Variants in ZNF778 observed in about 807,000 individuals in gnomAD.
The protein encoded by ZNF778 is zinc finger protein 778.
A neutral mutation model predicts 23.9 loss-of-function variants in ZNF778; 37 were observed. That is an observed-to-expected ratio of 1.54 (90% CI 1.19 to 2.03). The LOEUF is 2.03. Ranked by LOEUF, ZNF778 falls within the 30% of genes most tolerant of loss-of-function variation. The probability of loss-of-function intolerance (pLI) is 0.00; values close to 1 mark genes in which losing one functional copy is unlikely to be tolerated. For missense variants in ZNF778, 1,297 were observed against 934.4 expected (o/e 1.39, Z -5.06); for synonymous variants, 483 against 343.9 (o/e 1.40, Z -4.48).
rs1220416415 is a variant in ZNF778, at chr16:89,236,044, G to T, written c.*7482G>T. The T allele has an allele frequency of 6.6e-6, 1 of 152,070 alleles. No homozygotes were observed. The highest frequency in any genetic ancestry group is 1.5e-5 in the Non-Finnish European group (1 of 68,052). 9.4% of individuals were successfully genotyped at this position (152,070 alleles called of 1,614,324 possible). On this transcript the variant is annotated 3_prime_UTR_variant, in exon 7 of 7. Transcript: ENST00000433976. ...TACAAAAATTTAGTTGGGCGTGGTG[G>T]CGGGCGACTGCAGTCCCAGCTACTG...
At position 89,227,718 on chromosome 16, in the gene ZNF778, A is replaced by G; in HGVS notation, c.1430A>G (p.Tyr477Cys). The G allele has an allele frequency of 1.2e-6, 2 of 1,614,184 alleles. No homozygotes were observed. Among genetic ancestry groups the G allele is most frequent in the Non-Finnish European group, 1.7e-6 (2 of 1,180,018 alleles). The change falls in exon 7 of 7, where the codon TAT becomes TGT. Residue 477 changes from tyrosine (Y) to cysteine (C), a missense_variant. By Grantham distance (194) the Tyr-to-Cys change is radical. Transcript: ENST00000433976. ...HVRTHTGEKP[Y>C]ECKDCGKSFT... Reference sequence around the variant, plus strand: ...AGGACTCACACTGGAGAGAAACCATATGAATGTAAAGATTGTGGGAAATCC... The same window carrying G: ...AGGACTCACACTGGAGAGAAACCATGTGAATGTAAAGATTGTGGGAAATCC...
Position 89,228,225 on chromosome 16 carries a change from T to C in ZNF778, c.1937T>C (p.Ile646Thr). The change falls in exon 7 of 7, where the codon ATA (isoleucine) becomes ACA (threonine). Residue 646 changes from isoleucine (I) to threonine (T), a missense_variant. By Grantham distance (89) the Ile-to-Thr change is moderately conservative. Coordinates refer to ENST00000433976, the MANE Select transcript of ZNF778 (RefSeq NM_001201407.2). ...IRTHTGEKPY[I>T]CKECGKAFAS... ...ACCCACACCGGTGAGAAACCCTACA[T>C]ATGTAAGGAGTGTGGGAAAGCCTTT... 6 of 1,613,878 alleles carry C rather than the reference T, an allele frequency of 3.7e-6. No individual in the cohort carries two copies. Among genetic ancestry groups the C allele is most frequent in the Non-Finnish European group, 4.2e-6 (5 of 1,179,882 alleles).
Position 89,230,109 on chromosome 16 carries a change from C to CATG in ZNF778, c.*1547_*1548insATG. On this transcript the variant is annotated 3_prime_UTR_variant, in exon 7 of 7. Transcript: ENST00000433976. ...CTTAGGCATGACCCACCTGTAGGGT[C>CATG]CCACACTGGCCAATGTTGGGGCATA... 3.6e-6 allele frequency: 3 copies of CATG among 835,284 alleles called. No homozygotes were observed. The highest frequency in any genetic ancestry group is 4.3e-6 in the Non-Finnish European group (3 of 693,964). 51.7% of individuals were successfully genotyped at this position (835,284 alleles called of 1,614,324 possible).
intron 6 of ZNF778, among the ~76,000 whole-genome samples, chr16:89,226,165 C>G (rs1044192010): frequency 1.3e-5 from 2 of 152,018 alleles, no homozygotes; most frequent in South Asian, 2.1e-4. Flanking sequence ...CCACCTCAGC[C>G]TCCCAAAGTA....
Position 89,230,057 on chromosome 16 carries a change from C to T in ZNF778, c.*1495C>T, listed in dbSNP as rs1331929872. ...TCCAGATGGGATCCTGTATGAGCAGCGTAGGCTCTGGTTGGTTAGTCATGC... is the reference window on the plus strand; with the variant it reads ...TCCAGATGGGATCCTGTATGAGCAGTGTAGGCTCTGGTTGGTTAGTCATGC... On this transcript the variant is annotated 3_prime_UTR_variant, in exon 7 of 7. Coordinates refer to ENST00000433976, the MANE Select transcript of ZNF778 (RefSeq NM_001201407.2). 2.1e-5 allele frequency: 20 copies of T among 973,742 alleles called. No individual in the cohort carries two copies. Among genetic ancestry groups the T allele is most frequent in the African/African-American group, 5.3e-5 (3 of 56,920 alleles). The allele number at this position is 973,742 out of a possible 1,614,324, so 60.3% of individuals were successfully genotyped here. A position where few individuals can be genotyped will look rare whatever the true frequency, so the allele number is the denominator to read the frequency against.
chr16:89,227,601 G>A lies in ZNF778; in HGVS notation c.1313G>A (p.Arg438Lys), dbSNP rs752066774. Residue 438 changes from arginine (R) to lysine (K), a missense_variant, in exon 7 of 7, where the codon AGA becomes AAA. Coordinates refer to ENST00000433976, the MANE Select transcript of ZNF778 (RefSeq NM_001201407.2). ...KAFTVRCGLT[R>K]HVRTHTGEKP... ...TTCACTGTGCGCTGTGGCCTTACTA[G>A]ACACGTACGAACACACACGGGCGAG... 27 of 1,613,928 alleles carry A rather than the reference G, an allele frequency of 1.7e-5. No homozygotes were observed. The highest frequency in any genetic ancestry group is 9.3e-6 in the Non-Finnish European group (11 of 1,180,018).
chr16:89,228,712 C>T lies in ZNF778; in HGVS notation c.*150C>T, dbSNP rs1019447997. The T allele has an allele frequency of 3.5e-6, 5 of 1,444,208 alleles. No individual in the cohort carries two copies. The Admixed American group carries it at 8.9e-5, about 26-fold the overall frequency. 89.5% of individuals were successfully genotyped at this position (1,444,208 alleles called of 1,614,324 possible). A position where few individuals can be genotyped will look rare whatever the true frequency, so the allele number is the denominator to read the frequency against. ...GGCAGGCAGGAACTCACCCTGGAGC[C>T]CTATGCAGCAGACACAGAGAAAGCC... On this transcript the variant is annotated 3_prime_UTR_variant, in exon 7 of 7. Coordinates refer to ENST00000433976, the MANE Select transcript of ZNF778 (RefSeq NM_001201407.2).
chr16:89,228,433 A>G lies in ZNF778; in HGVS notation c.2145A>G (p.Leu715=), dbSNP rs538132855. 1.9e-6 allele frequency: 3 copies of G among 1,613,998 alleles called. No individual in the cohort carries two copies. Among genetic ancestry groups the G allele is most frequent in the East Asian group, 2.2e-5 (1 of 44,886 alleles). ...GGAAAGCATACAATAGGTTTTATCT[A>G]CTAAAAGAACATTTAAAAACTTACA... ...ECGKAYNRFY[L]LKEHLKTYTE... The change falls in exon 7 of 7, where the codon CTA becomes CTG. Residue 715 remains leucine, a synonymous_variant. Transcript: ENST00000433976.
chr16:89,228,194 A>T lies in ZNF778; in HGVS notation c.1906A>T (p.Ile636Leu). The T allele has an allele frequency of 1.9e-6, 3 of 1,613,502 alleles. No homozygotes were observed. The highest frequency in any genetic ancestry group is 1.1e-5 in the South Asian group (1 of 91,034). The part of the protein sequence containing the change: ...FTTSSHLIVH[I>L]RTHTGEKPYI... ...CACATCCTCACACCTTATCGTGCAC[A>T]TAAGAACCCACACCGGTGAGAAACC... Residue 636 changes from isoleucine (I) to leucine (L), a missense_variant, in exon 7 of 7, where the codon ATA becomes TTA. Physicochemically the swap from Ile to Leu is conservative, Grantham distance 5 (BLOSUM62 2). Coordinates refer to ENST00000433976, the MANE Select transcript of ZNF778 (RefSeq NM_001201407.2).
Position 89,225,542 on chromosome 16 carries a change from TC to T in ZNF778, c.329-12del, listed in dbSNP as rs2031401009. Reference sequence around the variant, plus strand: ...AGTTTGATCGTTTTTAGGTCATTCTTCTTTCTTTTCAGAATGGCGACTTAAA... The same window carrying T: ...AGTTTGATCGTTTTTAGGTCATTCTTTTTCTTTTCAGAATGGCGACTTAAA... On this transcript the variant is annotated splice_polypyrimidine_tract_variant and intron_variant, in intron 5 of 6. Transcript: ENST00000433976. The T allele has an allele frequency of 1.9e-6, 3 of 1,604,086 alleles. No homozygotes were observed. Among genetic ancestry groups the T allele is most frequent in the East Asian group, 2.2e-5 (1 of 44,662 alleles).
Position 89,228,524 on chromosome 16 carries a change from C to G in ZNF778, c.2236C>G (p.His746Asp). The change falls in exon 7 of 7, where the codon CAT becomes GAT. Residue 746 changes from histidine to aspartate, a missense_variant. His to Asp is a moderately conservative substitution (Grantham distance 81). Transcript: ENST00000433976. ...TTTTAAGAATTCCTCATGCCTTAAC[C>G]ATCACACTCAAATTCACACTGATGA... ...KSFKNSSCLN[H>D]HTQIHTDEKP... 6.2e-7 allele frequency: 1 copy of G among 1,600,374 alleles called. No homozygotes were observed. The highest frequency in any genetic ancestry group is 2.2e-5 in the East Asian group (1 of 44,820).
intron 1 of ZNF778, among the ~76,000 whole-genome samples, chr16:89,219,040 C>G (rs4785610): frequency 1 from 152,151 of 152,214 alleles, 76,044 homozygotes; most frequent in Middle Eastern, 1. Context: ...CTGGGTGGCA[C>G]AGGTTGCGGT....
chr16:89,220,309 C>T (rs1335740526), intron 1 of ZNF778, among the ~76,000 whole-genome samples: 1 of 152,204 alleles, frequency 6.6e-6, no homozygotes, highest in East Asian at 1.9e-4. Context: ...GAAAGTACAG[C>T]TCTAGACCTA....
In ZNF778 at chr16:89,227,050, AT is replaced by A. The variant is rs760466770; in HGVS notation, c.763del (p.Trp255GlyfsTer8). On this transcript the variant is annotated frameshift_variant, in exon 7 of 7. Transcript: ENST00000433976. LOFTEE classifies it low-confidence loss of function (END_TRUNC). ...GSHNGEETWK[W>X]KPCGKALTHS... ...GTCACAACGGAGAAGAAACATGGAA[AT>A]GGAAGCCGTGTGGGAAAGCTCTAAC... 4 of 1,613,892 alleles carry A rather than the reference AT, an allele frequency of 2.5e-6. No homozygotes were observed. In the African/African-American group the frequency reaches 5.3e-5, roughly 22 times the overall value.
At position 89,230,143 on chromosome 16, in the gene ZNF778, C is replaced by G; in HGVS notation, c.*1581C>G. 1.5e-6 allele frequency: 1 copy of G among 662,544 alleles called. No individual in the cohort carries two copies. Among genetic ancestry groups the G allele is most frequent in the Non-Finnish European group, 1.9e-6 (1 of 536,346 alleles). 41.0% of individuals were successfully genotyped at this position (662,544 alleles called of 1,614,324 possible). A position where few individuals can be genotyped will look rare whatever the true frequency, so the allele number is the denominator to read the frequency against. The stretch of plus-strand genomic sequence containing the variant: ...GCCAATGTTGGGGCATAACACAGCT[C>G]TACATTTTATGAAAATGCCCTTGTT... On this transcript the variant is annotated 3_prime_UTR_variant, in exon 7 of 7. Coordinates refer to ENST00000433976, the MANE Select transcript of ZNF778 (RefSeq NM_001201407.2).
In ZNF778 at chr16:89,228,055, T is replaced by C. The variant is rs754343082; in HGVS notation, c.1767T>C (p.Tyr589=). The C allele has an allele frequency of 5.0e-6, 8 of 1,613,006 alleles. No homozygotes were observed. The highest frequency in any genetic ancestry group is 3.3e-4 in the Middle Eastern group (2 of 6,084). Residue 589 remains tyrosine, a synonymous_variant, in exon 7 of 7, where the codon TAT becomes TAC. Coordinates refer to ENST00000433976, the MANE Select transcript of ZNF778 (RefSeq NM_001201407.2). ...HIQIHTGIKP[Y]ECKDCGKTFT... ...AGATTCACACTGGAATAAAACCTTA[T>C]GAATGTAAGGACTGTGGGAAAACAT...
rs1477229412 is a variant in ZNF778, at chr16:89,234,984, C to T, written c.*6422C>T. On this transcript the variant is annotated 3_prime_UTR_variant, in exon 7 of 7. Transcript: ENST00000433976. Reference sequence around the variant, plus strand: ...TATACAACCTTTCCTTTATCTTCATCAGAAATTTCTTTTCTCCTAAGGCCT... The same window carrying T: ...TATACAACCTTTCCTTTATCTTCATTAGAAATTTCTTTTCTCCTAAGGCCT... The T allele has an allele frequency of 6.6e-6, 1 of 152,140 alleles. No homozygotes were observed. Among genetic ancestry groups the T allele is most frequent in the African/African-American group, 2.4e-5 (1 of 41,420 alleles). 9.4% of individuals were successfully genotyped at this position (152,140 alleles called of 1,614,324 possible).
chr16:89,229,452 G>C lies in ZNF778; in HGVS notation c.*890G>C, dbSNP rs1280670428. Reference sequence around the variant, plus strand: ...CTGGTTGGTTAGTCTTGAGGATGCAGATGTGATTCTGTGTGAGCAGCGTAG... The same window carrying C: ...CTGGTTGGTTAGTCTTGAGGATGCACATGTGATTCTGTGTGAGCAGCGTAG... On this transcript the variant is annotated 3_prime_UTR_variant, in exon 7 of 7. Coordinates refer to ENST00000433976, the MANE Select transcript of ZNF778 (RefSeq NM_001201407.2). 5 of 977,510 alleles carry C rather than the reference G, an allele frequency of 5.1e-6. No homozygotes were observed. Among genetic ancestry groups the C allele is most frequent in the African/African-American group, 1.9e-5 (1 of 54,004 alleles). The allele number at this position is 977,510 out of a possible 1,614,324, so 60.6% of individuals were successfully genotyped here. A position where few individuals can be genotyped will look rare whatever the true frequency, so the allele number is the denominator to read the frequency against.
chr16:89,226,675 A>T lies in ZNF778; in HGVS notation c.406-19A>T. ...CAGCCTCAGTAACCCCCTGACCACC[A>T]CTCATTCTTCACCAACAGGCAAGAA... On this transcript the variant is annotated intron_variant, in intron 6 of 6. Transcript: ENST00000433976. 1 of 1,595,734 alleles carries T rather than the reference A, an allele frequency of 6.3e-7. No individual in the cohort carries two copies.
Sources: allele counts gnomAD v4.1 joint callset (sites outside exome capture counted in the v4.1 genomes callset), GRCh38; gene constraint gnomAD v4.1.1; transcripts MANE v1.5; gene names NCBI Gene and HGNC (gene_info 2026-07-23, HGNC 2026-07-21).